Variants in DSCAM observed in about 807,000 individuals in gnomAD.
DSCAM encodes cell adhesion molecule DSCAM.
DSCAM carries 47 observed loss-of-function variants against 217.7 expected under a neutral mutation model. The ratio of observed to expected loss-of-function variants is 0.22; its 90% CI spans 0.17 to 0.28. DSCAM has a LOEUF of 0.28. Among genes scored for constraint, DSCAM ranks in the 10% least tolerant of loss-of-function variants. The probability of loss-of-function intolerance (pLI) is 1.00; values close to 1 mark genes in which losing one functional copy is unlikely to be tolerated. For synonymous variants in DSCAM, 1,056 were observed against 1,015.3 expected, an observed-to-expected ratio of 1.04 and a Z score of -0.76; for missense variants, 2,080 against 2,618.3, an observed-to-expected ratio of 0.79 and a Z score of 4.49.
intron 19 of DSCAM, among the ~76,000 whole-genome samples, chr21:40,131,732 T>C (rs543321896): frequency 7.2e-5 from 11 of 152,336 alleles, no homozygotes; most frequent in Non-Finnish European, 8.8e-5. Context: ...CAGTTCTGCA[T>C]AGTCCTTGTC....
Position 40,516,888 on chromosome 21 carries a change from C to CATATAT in DSCAM, c.509-147649_509-147644dup, listed in dbSNP as rs55695954. On this transcript the variant is annotated intron_variant, in intron 3 of 32. Coordinates refer to ENST00000400454, the MANE Select transcript of DSCAM (RefSeq NM_001389.5). ...TACACACACATGCGCACACACACACCATATATATATATATATATACACACA... is the reference window on the plus strand; with the variant it reads ...TACACACACATGCGCACACACACACCATATATATATATATATATATATATACACACA... 6.6e-3 allele frequency among the ~76,000 whole-genome samples: 945 copies of CATATAT among 143,472 alleles called. 8 individuals carry two copies. The highest frequency in any genetic ancestry group is 0.035 in the East Asian group (169 of 4,890). The allele number at this position is 143,472 out of a possible 152,430, so 94.1% of individuals were successfully genotyped here.
chr21:40,446,006 G>A (rs902831375), intron 3 of DSCAM, among the ~76,000 whole-genome samples: 1 of 152,132 alleles, frequency 6.6e-6, no homozygotes, highest in Admixed American at 6.5e-5. Flanking sequence ...GGATCAACTT[G>A]CCTGTATATT....
intron 3 of DSCAM, among the ~76,000 whole-genome samples, chr21:40,487,256 CCTCTCT>C (rs59987844): frequency 7.0e-6 from 1 of 143,708 alleles, no homozygotes; most frequent in African/African-American, 2.5e-5. Context: ...TCTTTCTCTC[CCTCTCT>C]CTCTCTCTCT....
chr21:40,282,863 T>C (rs1272913782), intron 10 of DSCAM, among the ~76,000 whole-genome samples: 2 of 152,210 alleles, frequency 1.3e-5, no homozygotes, highest in Non-Finnish European at 2.9e-5. Context: ...CAGAAAAGGA[T>C]GATCTGTTTA....
chr21:40,283,687 C>T (rs1178187768), intron 10 of DSCAM, among the ~76,000 whole-genome samples: 5 of 152,202 alleles, frequency 3.3e-5, no homozygotes, highest in Admixed American at 2.0e-4. Context: ...TGCCTTACAG[C>T]AAGTGGCTTA....
intron 3 of DSCAM, among the ~76,000 whole-genome samples, chr21:40,504,514 A>G (rs1568859537): frequency 6.6e-6 from 1 of 152,232 alleles, no homozygotes; most frequent in African/African-American, 2.4e-5. Flanking sequence ...TATACAGGAT[A>G]CAACAAGCTT....
At chr21:40,495,585 G>T (rs941426412) in intron 3 of DSCAM, among the ~76,000 whole-genome samples, 3 of 152,098 alleles carry the variant, frequency 2.0e-5, no homozygotes, top group African/African-American at 7.2e-5. Flanking sequence ...TGTACACAAT[G>T]ATGAAAAATT....
chr21:40,207,830 G>A (rs1250550661), intron 11 of DSCAM, among the ~76,000 whole-genome samples: 3 of 152,236 alleles, frequency 2.0e-5, no homozygotes, highest in South Asian at 2.1e-4. Context: ...GCCTCTCTCC[G>A]TGGCTTGCAG....
intron 3 of DSCAM, among the ~76,000 whole-genome samples, chr21:40,480,948 T>A (rs1312789934): frequency 6.6e-6 from 1 of 152,132 alleles, no homozygotes; most frequent in Non-Finnish European, 1.5e-5. Flanking sequence ...TATTCTCATC[T>A]GGGAAAAAAA....
At position 40,143,447 on chromosome 21, in the gene DSCAM, T is replaced by A. The variant is rs931613646; in HGVS notation, c.3260-743A>T. Among the ~76,000 whole-genome samples, 10 of 152,296 alleles carry A rather than the reference T, an allele frequency of 6.6e-5. No individual in the cohort carries two copies. In the South Asian group the frequency reaches 8.3e-4, roughly 13 times the overall value. ...TGCAAGTCATTGAAGACTCCTCTCC[T>A]CGCAAAAATTGTCAGATATTACAGG... On this transcript the variant is annotated intron_variant, in intron 17 of 32. Transcript: ENST00000400454.
chr21:40,349,312 G>C (rs1013951855), intron 5 of DSCAM, among the ~76,000 whole-genome samples: 1 of 150,772 alleles, frequency 6.6e-6, no homozygotes, highest in African/African-American at 2.4e-5. Flanking sequence ...ACACACAATT[G>C]TGAGGAAAAA....
chr21:40,043,020 A>G (rs1420915347), intron 31 of DSCAM, among the ~76,000 whole-genome samples: 2 of 152,210 alleles, frequency 1.3e-5, no homozygotes, highest in African/African-American at 4.8e-5. Context: ...CAACCTGCAA[A>G]TGGATCTATG....
chr21:40,804,459 C>T (rs2091768766), intron 1 of DSCAM, among the ~76,000 whole-genome samples: 2 of 152,030 alleles, frequency 1.3e-5, no homozygotes, highest in Non-Finnish European at 2.9e-5. Flanking sequence ...GGCTCAAGTC[C>T]TCCTTTCCCA....
intron 4 of DSCAM, among the ~76,000 whole-genome samples, chr21:40,361,193 T>G (rs1601585998): frequency 6.6e-6 from 1 of 151,926 alleles, no homozygotes; most frequent in South Asian, 2.1e-4. Flanking sequence ...TACAGAAAAG[T>G]AGACAAAAAT....
At chr21:40,442,093 A>C (rs8129771) in intron 3 of DSCAM, among the ~76,000 whole-genome samples, 21 of 152,026 alleles carry the variant, frequency 1.4e-4, no homozygotes, top group African/African-American at 4.8e-4. Context: ...ATTGAAAGAA[A>C]CCGAGCATAT....
At chr21:40,417,103 A>G (rs1756206611) in intron 3 of DSCAM, among the ~76,000 whole-genome samples, 1 of 152,180 alleles carries the variant, frequency 6.6e-6, no homozygotes, top group South Asian at 2.1e-4. Context: ...ACAACTCCCA[A>G]CTGAATAGGA....
intron 3 of DSCAM, among the ~76,000 whole-genome samples, chr21:40,553,572 C>T (rs1412046497): frequency 6.6e-6 from 1 of 152,198 alleles, no homozygotes; most frequent in Non-Finnish European, 1.5e-5. Context: ...AAGATTTTTA[C>T]ATATATATCA....
chr21:40,602,668 C>T (rs1170433936), intron 3 of DSCAM, among the ~76,000 whole-genome samples: 1 of 152,112 alleles, frequency 6.6e-6, no homozygotes, highest in Non-Finnish European at 1.5e-5. Context: ...TCTATGAAAG[C>T]ATTCCTGATG....
intron 19 of DSCAM, among the ~76,000 whole-genome samples, chr21:40,126,039 G>A (rs1244127256): frequency 6.6e-6 from 1 of 152,162 alleles, no homozygotes. Context: ...TTTCCAACCT[G>A]TTTGTGACAA....
Sources: gnomAD v4.1 joint callset for allele counts (sites outside exome capture counted in the v4.1 genomes callset) on GRCh38, gnomAD v4.1.1 for gene constraint, MANE v1.5 for transcripts, NCBI Gene and HGNC (gene_info 2026-07-23, HGNC 2026-07-21) for gene names.